The following DNAH14 variants were observed in gnomAD, a reference collection of about 807,000 sequenced individuals.
The protein encoded by DNAH14 is axonemal beta dynein heavy chain 14.
DNAH14 carries 478 observed loss-of-function variants against 520.9 expected under a neutral mutation model. The observed-to-expected ratio is 0.92, with a 90% CI of 0.85 to 0.99. The LOEUF is 0.99. Ranked by LOEUF, DNAH14 falls within the 50% of genes least tolerant of loss-of-function variation. DNAH14 has a pLI of 0.00. For missense variants in DNAH14, 4,831 were observed against 5,234.5 expected, an observed-to-expected ratio of 0.92 and a Z score of 2.38; for synonymous variants, 1,581 against 1,757.2, an observed-to-expected ratio of 0.90 and a Z score of 2.51.
intron 33 of DNAH14, 89 bp downstream of exon 33, chr1:225,152,972 C>T: frequency 2.3e-6 from 3 of 1,311,992 alleles, no homozygotes; most frequent in East Asian, 2.5e-5. Context: ...CAGGGATGAC[C>T]TGGGACTGTA....
chr1:225,025,018 CT>C (rs1295601864), intron 11 of DNAH14, among the ~76,000 whole-genome samples: 1 of 151,954 alleles, frequency 6.6e-6, no homozygotes, highest in Non-Finnish European at 1.5e-5. Flanking sequence ...ACAATGTCTC[CT>C]GTATGCATTT....
intron 22 of DNAH14, among the ~76,000 whole-genome samples, chr1:225,098,477 A>G (rs2075182055): frequency 6.6e-6 from 1 of 152,238 alleles, no homozygotes; most frequent in Admixed American, 6.5e-5. Context: ...AAGGCCTATT[A>G]TAGCAATGGA....
rs2095286658 is a variant in DNAH14 at position 225,346,411 on chromosome 1, G to A, written c.11097+31G>A. Reference sequence around the variant, plus strand: ...ATATTCTTTAGTGTGAATTTTACATGCTTATTTAATCTCACTGGATTAATA... The same window carrying A: ...ATATTCTTTAGTGTGAATTTTACATACTTATTTAATCTCACTGGATTAATA... On this transcript the variant is annotated intron_variant, in intron 70 of 85. Transcript: ENST00000682510. 5.9e-6 allele frequency: 9 copies of A among 1,527,552 alleles called. No homozygotes were observed. In the Admixed American group the frequency reaches 6.9e-5, roughly 12 times the overall value. The allele number at this position is 1,527,552 out of a possible 1,614,324, so 94.6% of individuals were successfully genotyped here.
At chr1:225,026,069 A>G (rs758949159) in intron 11 of DNAH14, among the ~76,000 whole-genome samples, 2 of 151,940 alleles carry the variant, frequency 1.3e-5, no homozygotes, top group Admixed American at 1.3e-4. Flanking sequence ...GGCTCAAGCG[A>G]TACTCTCACC....
chr1:225,103,945 G>A (rs2075771648), intron 23 of DNAH14, among the ~76,000 whole-genome samples: 1 of 152,126 alleles, frequency 6.6e-6, no homozygotes. Context: ...GGAGTGGTGA[G>A]AGAGGGCATC....
At chr1:225,077,723 G>A (rs1177902901) in intron 17 of DNAH14, among the ~76,000 whole-genome samples, 3 of 152,122 alleles carry the variant, frequency 2.0e-5, no homozygotes, top group African/African-American at 7.2e-5. Context: ...GGCTGGGATC[G>A]AAAATAAGTT....
intron 79 of DNAH14, among the ~76,000 whole-genome samples, chr1:225,379,364 G>A (rs1470663431): frequency 6.6e-6 from 1 of 152,112 alleles, no homozygotes; most frequent in Middle Eastern, 3.2e-3. Context: ...AAAATGAAAT[G>A]AATTCCATGG....
chr1:225,132,304 G>T (rs971046654), intron 27 of DNAH14, among the ~76,000 whole-genome samples: 1 of 151,724 alleles, frequency 6.6e-6, no homozygotes, highest in Non-Finnish European at 1.5e-5. Flanking sequence ...AGATCATCCC[G>T]TCACCTAGGT....
intron 8 of DNAH14, among the ~76,000 whole-genome samples, chr1:224,990,188 A>G (rs543956856): frequency 1.8e-4 from 28 of 152,204 alleles, no homozygotes; most frequent in African/African-American, 6.0e-4. Flanking sequence ...CTTTTATTTT[A>G]CATTGACAGA....
chr1:225,101,924 G>A (rs1481499086), intron 23 of DNAH14, among the ~76,000 whole-genome samples: 1 of 151,562 alleles, frequency 6.6e-6, no homozygotes, highest in South Asian at 2.1e-4. Flanking sequence ...TAAGTTTTAG[G>A]GTACATGTGC....
intron 1 of DNAH14, among the ~76,000 whole-genome samples, chr1:224,938,873 GT>G (rs1422244207): frequency 2.6e-5 from 4 of 151,970 alleles, no homozygotes; most frequent in Non-Finnish European, 5.9e-5. Flanking sequence ...GAACCCTGTC[GT>G]TTACGGCAAT....
rs1162178360 is a variant in DNAH14 at position 225,145,325 on chromosome 1, G to A, written c.4741-1G>A. ...GATACTAAAATATTTTTGTTTCCCA[G>A]TCCTTAGGCAAACATTGTGTGGTCT... On this transcript the variant is annotated splice_acceptor_variant, in intron 29 of 85. Coordinates refer to ENST00000682510, the MANE Select transcript of DNAH14 (RefSeq NM_001367479.1). LOFTEE classifies it high-confidence loss of function. 6.5e-7 allele frequency: 1 copy of A among 1,543,294 alleles called. No individual in the cohort carries two copies. Among genetic ancestry groups the A allele is most frequent in the Non-Finnish European group, 8.7e-7 (1 of 1,143,376 alleles).
rs1213273691 is a variant in DNAH14, at chr1:225,346,081, C to T, written c.10798C>T (p.Arg3600Cys). The change falls in exon 70 of 86, where the codon CGT becomes TGT. Residue 3600 changes from arginine (R) to cysteine (C), a missense_variant. Transcript: ENST00000682510. ...AGCTGAAAGTGAAATCCAAGCAATA[C>T]GTAAAAACTATCTCCCCATTGCGAC... ...KKAESEIQAIRKNYLPIATRG... is the reference protein window; with the variant it reads ...KKAESEIQAICKNYLPIATRG... The T allele has an allele frequency of 5.8e-6, 9 of 1,551,538 alleles. No homozygotes were observed. The highest frequency in any genetic ancestry group is 2.7e-5 in the African/African-American group (2 of 73,046).
In DNAH14 at chr1:225,231,074, T is replaced by A. The variant is rs1401951904; in HGVS notation, c.6441T>A (p.Ser2147Arg). 1 of 1,545,686 alleles carries A rather than the reference T, an allele frequency of 6.5e-7. No homozygotes were observed. Among genetic ancestry groups the A allele is most frequent in the Admixed American group, 2.0e-5 (1 of 50,014 alleles). The stretch of plus-strand genomic sequence containing the variant: ...GAAAAATACTCTTTCCTTTTTAAGG[T>A]GATGATTTGAATGACACGTCATCTA... ...FMGKNGGFEQ[S>R]DDLNDTSSKE... Residue 2147 changes from serine (S) to arginine (R), a missense_variant and splice_region_variant, in exon 42 of 86, where the codon AGT becomes AGA. Ser to Arg is a moderately radical substitution (Grantham distance 110). Coordinates refer to ENST00000682510, the MANE Select transcript of DNAH14 (RefSeq NM_001367479.1).
rs1265795938 is a variant in DNAH14, at chr1:225,338,127, G to T, written c.10378G>T (p.Gly3460Ter). The part of the protein sequence containing the change: ...ILKKDIYQKK[G>*]HYFIRVGDAE... ...GAAAAAGGATATCTATCAGAAAAAA[G>T]GACACTATTTCATAAGGGTTGGTGA... Residue 3460 changes from glycine to a stop codon, truncating the protein, a stop_gained, in exon 68 of 86, where the codon GGA becomes TGA. Transcript: ENST00000682510. LOFTEE classifies it high-confidence loss of function. The T allele has an allele frequency of 1.3e-6, 2 of 1,551,612 alleles. No homozygotes were observed. The highest frequency in any genetic ancestry group is 1.7e-6 in the Non-Finnish European group (2 of 1,146,898).
chr1:225,210,331 G>A (rs2088204740), intron 41 of DNAH14, among the ~76,000 whole-genome samples: 1 of 152,104 alleles, frequency 6.6e-6, no homozygotes, highest in Non-Finnish European at 1.5e-5. Context: ...ATGGGGAAGG[G>A]CATCCACCAT....
At chr1:225,189,677 T>C (rs1281978011) in intron 37 of DNAH14, among the ~76,000 whole-genome samples, 1 of 152,004 alleles carries the variant, frequency 6.6e-6, no homozygotes, top group African/African-American at 2.4e-5. Context: ...TTTGAACTAT[T>C]GTCTTTGGGT....
intron 76 of DNAH14, among the ~76,000 whole-genome samples, chr1:225,365,467 C>T (rs1006217537): frequency 3.9e-5 from 6 of 152,152 alleles, no homozygotes; most frequent in Non-Finnish European, 5.9e-5. Context: ...TGCACACTAC[C>T]AGCTTTCACA....
intron 36 of DNAH14, among the ~76,000 whole-genome samples, chr1:225,180,880 A>G (rs924796698): frequency 2.0e-5 from 3 of 152,172 alleles, no homozygotes; most frequent in African/African-American, 4.8e-5. Flanking sequence ...TGACATGGTT[A>G]TATTGTGTGA....
Sources: gnomAD v4.1 joint callset for allele counts (sites outside exome capture counted in the v4.1 genomes callset) on GRCh38, gnomAD v4.1.1 for gene constraint, MANE v1.5 for transcripts, NCBI Gene and HGNC (gene_info 2026-07-23, HGNC 2026-07-21) for gene names.